The following NPY2R variants were observed in gnomAD, a reference collection of about 807,000 sequenced individuals.
The protein encoded by NPY2R is neuropeptide Y receptor type 2.
In NPY2R, 17 loss-of-function variants were observed where a neutral mutation model predicts 22.3. The observed-to-expected ratio is 0.76, with a 90% CI of 0.52 to 1.14. NPY2R has a LOEUF of 1.14. Ranked by LOEUF, NPY2R falls within the 50% of genes most tolerant of loss-of-function variation. The probability of loss-of-function intolerance (pLI) is 0.00; values close to 1 mark genes in which losing one functional copy is unlikely to be tolerated. For synonymous variants in NPY2R, 209 were observed against 183.4 expected (o/e 1.14, Z -1.13); for missense variants, 424 against 467.9 (o/e 0.91, Z 0.87).
chr4:155,194,816 T>C, the NPY2R span, among the ~76,000 whole-genome samples: 3 of 151,974 alleles, frequency 2.0e-5, no homozygotes, highest in South Asian at 6.2e-4. Flanking sequence ...TCCATACTGC[T>C]TTCCACAGTG....
the NPY2R span, among the ~76,000 whole-genome samples, chr4:155,178,700 A>T: frequency 6.6e-6 from 1 of 152,212 alleles, no homozygotes; most frequent in Non-Finnish European, 1.5e-5. Flanking sequence ...TGCATTTAAA[A>T]TTGTCAAATC....
upstream of NPY2R, chr4:155,206,465 A>G (rs1729286347): frequency 6.6e-6 from 1 of 152,226 alleles, no homozygotes; most frequent in African/African-American, 2.4e-5. Flanking sequence ...GTCATAAGCT[A>G]ATTCCCACAG....
chr4:155,205,353 A>C (rs1163658211), upstream of NPY2R, among the ~76,000 whole-genome samples: 1 of 152,244 alleles, frequency 6.6e-6, no homozygotes, highest in Non-Finnish European at 1.5e-5. Flanking sequence ...TATAATCAAA[A>C]TAACAATGAA....
At chr4:155,212,174 A>G (rs1480776716) in intron 1 of NPY2R, among the ~76,000 whole-genome samples, 1 of 152,192 alleles carries the variant, frequency 6.6e-6, no homozygotes, top group African/African-American at 2.4e-5. Context: ...ATTAATTACA[A>G]ACACATTCAT....
the NPY2R span, among the ~76,000 whole-genome samples, chr4:155,184,402 C>T: frequency 9.2e-5 from 14 of 152,308 alleles, no homozygotes; most frequent in South Asian, 4.1e-4. Context: ...ATAATTTCTA[C>T]GTGGAGATGT....
chr4:155,196,372 C>T, the NPY2R span, among the ~76,000 whole-genome samples: 8 of 151,832 alleles, frequency 5.3e-5, no homozygotes, highest in African/African-American at 1.9e-4. Context: ...TTGAAGGAGT[C>T]ATCAGTGATG....
chr4:155,178,839 C>CAA, the NPY2R span, among the ~76,000 whole-genome samples: 3 of 152,274 alleles, frequency 2.0e-5, no homozygotes, highest in Non-Finnish European at 4.4e-5. Flanking sequence ...GATATTTCTT[C>CAA]AAGTACTTTT....
At chr4:155,184,392 A>C in the NPY2R span, among the ~76,000 whole-genome samples, 1 of 152,220 alleles carries the variant, frequency 6.6e-6, no homozygotes, top group East Asian at 1.9e-4. Context: ...ACCCAGAGAA[A>C]TAATTTCTAC....
chr4:155,184,326 A>T, the NPY2R span, among the ~76,000 whole-genome samples: 1 of 152,208 alleles, frequency 6.6e-6, no homozygotes, highest in Non-Finnish European at 1.5e-5. Context: ...ATCCAAAGTT[A>T]ATCTTTGTAC....
At chr4:155,210,484 C>T (rs542629752) in intron 1 of NPY2R, among the ~76,000 whole-genome samples, 42 of 152,322 alleles carry the variant, frequency 2.8e-4, no homozygotes, top group African/African-American at 9.6e-4. Context: ...ACTCCAGCCT[C>T]TTGGAGTCTC....
At chr4:155,195,530 A>G in the NPY2R span, among the ~76,000 whole-genome samples, 3 of 151,896 alleles carry the variant, frequency 2.0e-5, no homozygotes, top group Admixed American at 1.3e-4. Context: ...AATCTATTCC[A>G]TATTTGTATT....
rs144347274 is a variant in NPY2R, at chr4:155,214,469, C to T, written c.530C>T (p.Ala177Val). 7.9e-5 allele frequency: 127 copies of T among 1,613,958 alleles called. No individual in the cohort carries two copies. The highest frequency in any genetic ancestry group is 9.9e-5 in the Non-Finnish European group (117 of 1,180,020). ...LIIGLAWGISALLASPLAIFR... is the reference protein window; with the variant it reads ...LIIGLAWGISVLLASPLAIFR... Reference sequence around the variant, plus strand: ...ATTGGCTTGGCCTGGGGCATCAGTGCCCTGCTGGCAAGTCCCCTGGCCATC... The same window carrying T: ...ATTGGCTTGGCCTGGGGCATCAGTGTCCTGCTGGCAAGTCCCCTGGCCATC... The change falls in exon 2 of 2, where the codon GCC (alanine) becomes GTC (valine). Residue 177 changes from alanine to valine, a missense_variant. Physicochemically the swap from Ala to Val is moderately conservative, Grantham distance 64 (BLOSUM62 0). Coordinates refer to ENST00000329476, the MANE Select transcript of NPY2R (RefSeq NM_000910.4).
At position 155,214,530 on chromosome 4, in the gene NPY2R, C is replaced by T; in HGVS notation, c.591C>T (p.Asp197=). ...REYSLIEIIP[D]FEIVACTEKW... is the part of the protein sequence containing the mutation. Reference sequence around the variant, plus strand: ...ATTCGCTGATTGAGATCATCCCGGACTTTGAGATTGTGGCCTGTACTGAAA... The same window carrying T: ...ATTCGCTGATTGAGATCATCCCGGATTTTGAGATTGTGGCCTGTACTGAAA... The change falls in exon 2 of 2, where the codon GAC becomes GAT. Residue 197 remains aspartate, a synonymous_variant. Coordinates refer to ENST00000329476, the MANE Select transcript of NPY2R (RefSeq NM_000910.4). The T allele has an allele frequency of 6.2e-7, 1 of 1,614,180 alleles. No individual in the cohort carries two copies. Among genetic ancestry groups the T allele is most frequent in the Non-Finnish European group, 8.5e-7 (1 of 1,180,030 alleles).
chr4:155,191,240 G>C, the NPY2R span, among the ~76,000 whole-genome samples: 3 of 151,822 alleles, frequency 2.0e-5, no homozygotes, highest in African/African-American at 7.2e-5. Flanking sequence ...TTTGCTGAGT[G>C]GATCTTTGTT....
chr4:155,209,636 G>A (rs1729360659), intron 1 of NPY2R, among the ~76,000 whole-genome samples: 1 of 152,164 alleles, frequency 6.6e-6, no homozygotes, highest in African/African-American at 2.4e-5. Context: ...CTACTGATTA[G>A]CCAAACAATC....
At chr4:155,199,989 A>G in the NPY2R span, among the ~76,000 whole-genome samples, 2 of 152,218 alleles carry the variant, frequency 1.3e-5, no homozygotes, top group East Asian at 3.8e-4. Flanking sequence ...AGCAACTGCA[A>G]CAAAAGCCAA....
the NPY2R span, among the ~76,000 whole-genome samples, chr4:155,185,972 C>A: frequency 1.3e-5 from 2 of 151,994 alleles, no homozygotes; most frequent in Non-Finnish European, 2.9e-5. Context: ...TGAAAAGTGA[C>A]AAGAGCAACA....
the NPY2R span, among the ~76,000 whole-genome samples, chr4:155,183,419 G>A: frequency 8.8e-4 from 134 of 152,164 alleles, no homozygotes; most frequent in Non-Finnish European, 1.2e-3. Flanking sequence ...AAATGCTGTC[G>A]TTTTCACCAG....
chr4:155,179,499 C>G, the NPY2R span, among the ~76,000 whole-genome samples: 3 of 152,024 alleles, frequency 2.0e-5, no homozygotes, highest in Non-Finnish European at 4.4e-5. Flanking sequence ...TTTATTTAGC[C>G]CCCACTTCTA....
Sources: allele counts gnomAD v4.1 joint callset (sites outside exome capture counted in the v4.1 genomes callset), GRCh38; gene constraint gnomAD v4.1.1; transcripts MANE v1.5; gene names NCBI Gene and HGNC (gene_info 2026-07-23, HGNC 2026-07-21).